Variants in CHMP4B observed in about 807,000 individuals in gnomAD.
The protein encoded by CHMP4B is SNF7 homolog associated with Alix 1.
Under a neutral mutation model 25.1 loss-of-function variants are expected in CHMP4B, and 1 was observed. The observed-to-expected ratio is 0.04, with a 90% confidence interval of 0.01 to 0.19. CHMP4B has a LOEUF of 0.19. Among genes scored for constraint, CHMP4B ranks in the 10% least tolerant of loss-of-function variants. CHMP4B has a pLI of 1.00. For missense variants in CHMP4B, 151 were observed against 289.7 expected, an observed-to-expected ratio of 0.52 and a Z score of 3.48; for synonymous variants, 101 against 115.6, an observed-to-expected ratio of 0.87 and a Z score of 0.81.
chr20:33,831,499 G>A (rs1392501808), intron 1 of CHMP4B, among the ~76,000 whole-genome samples: 1 of 152,190 alleles, frequency 6.6e-6, no homozygotes, highest in Non-Finnish European at 1.5e-5. Context: ...CAAAGTGCTG[G>A]GATTACAGGT....
chr20:33,822,807 T>G (rs1978979503), intron 1 of CHMP4B, among the ~76,000 whole-genome samples: 1 of 152,152 alleles, frequency 6.6e-6, no homozygotes, highest in African/African-American at 2.4e-5. Context: ...TTTTTTTATT[T>G]TTTTGAGACA....
At chr20:33,816,184 T>A (rs1978778383) in intron 1 of CHMP4B, among the ~76,000 whole-genome samples, 1 of 152,210 alleles carries the variant, frequency 6.6e-6, no homozygotes, top group Non-Finnish European at 1.5e-5. Flanking sequence ...ATATATTCAT[T>A]CTTAAGCATG....
chr20:33,824,836 A>G (rs958447957), intron 1 of CHMP4B, among the ~76,000 whole-genome samples: 24 of 135,022 alleles, frequency 1.8e-4, no homozygotes, highest in Admixed American at 1.4e-3. Context: ...AATGTCCCCA[A>G]AAGGGTGGGG....
At chr20:33,815,522 G>A (rs999483757) in intron 1 of CHMP4B, among the ~76,000 whole-genome samples, 1 of 152,130 alleles carries the variant, frequency 6.6e-6, no homozygotes, top group Admixed American at 6.5e-5. Flanking sequence ...TAATGAAGTT[G>A]GGAAACAGGA....
chr20:33,844,980 T>C lies in CHMP4B; in HGVS notation c.191-3487T>C, dbSNP rs138197614. Reference sequence around the variant, plus strand: ...TTCACCGTGTTAGCCAGGATGGTCTTGATCTCCTGACTTTGTAATCCACCC... The same window carrying C: ...TTCACCGTGTTAGCCAGGATGGTCTCGATCTCCTGACTTTGTAATCCACCC... On this transcript the variant is annotated intron_variant, in intron 1 of 4. Transcript: ENST00000217402. Among the ~76,000 whole-genome samples the C allele has an allele frequency of 9.2e-3, 1,403 of 152,226 alleles. 24 individuals carry two copies. Among genetic ancestry groups the C allele is most frequent in the African/African-American group, 0.03 (1,244 of 41,528 alleles).
chr20:33,811,381 T>G lies in CHMP4B; in HGVS notation c.-88T>G. On this transcript the variant is annotated 5_prime_UTR_variant, in exon 1 of 5. Transcript: ENST00000217402. ...CTGCGGCGGCAGGGAGCGGCGGGAC[T>G]GGGAGCGGGCGCCGGAGCCGACCCG... is the stretch of plus-strand genomic sequence containing the variant. 2.6e-6 allele frequency: 3 copies of G among 1,149,546 alleles called. No homozygotes were observed. The highest frequency in any genetic ancestry group is 3.4e-5 in the African/African-American group (2 of 58,974). 71.2% of individuals were successfully genotyped at this position (1,149,546 alleles called of 1,614,324 possible).
At chr20:33,824,786 C>T (rs1979045245) in intron 1 of CHMP4B, among the ~76,000 whole-genome samples, 1 of 150,724 alleles carries the variant, frequency 6.6e-6, no homozygotes, top group African/African-American at 2.5e-5. Flanking sequence ...AATACCTCCC[C>T]ATCCAGTTGT....
chr20:33,840,879 G>A (rs561500175), intron 1 of CHMP4B, among the ~76,000 whole-genome samples: 39 of 152,284 alleles, frequency 2.6e-4, no homozygotes, highest in African/African-American at 9.1e-4. Context: ...GGTGCGTGTT[G>A]TTATCATGAG....
intron 1 of CHMP4B, among the ~76,000 whole-genome samples, chr20:33,814,121 CT>C (rs1978717979): frequency 6.6e-6 from 1 of 152,222 alleles, no homozygotes; most frequent in Admixed American, 6.5e-5. Flanking sequence ...AGTTGTCAGA[CT>C]TGCTGAAGGC....
At chr20:33,841,154 C>T (rs1441529907) in intron 1 of CHMP4B, among the ~76,000 whole-genome samples, 2 of 152,198 alleles carry the variant, frequency 1.3e-5, no homozygotes, top group Non-Finnish European at 2.9e-5. Context: ...AGATAAGGGG[C>T]TTCTTTCTTT....
Position 33,848,399 on chromosome 20 carries a change from G to C in CHMP4B, c.191-68G>C. 3 of 1,524,670 alleles carry C rather than the reference G, an allele frequency of 2.0e-6. No individual in the cohort carries two copies. In the South Asian group the frequency reaches 3.4e-5, roughly 17 times the overall value. The allele number at this position is 1,524,670 out of a possible 1,614,324, so 94.4% of individuals were successfully genotyped here. On this transcript the variant is annotated intron_variant, in intron 1 of 4. Coordinates refer to ENST00000217402, the MANE Select transcript of CHMP4B (RefSeq NM_176812.5). The stretch of plus-strand genomic sequence containing the variant: ...GTGCTTCCAGTAGAGTTGGGGAAAA[G>C]ACTCAGTGACACTAGAACCTCACCC...
rs555208760 is a variant in CHMP4B, at chr20:33,845,996, A to G, written c.191-2471A>G. Reference sequence around the variant, plus strand: ...AGGACCGGGCAGGCCATATTAAACCATATGGCAAAGGGAGCTACTGAGGAT... The same window carrying G: ...AGGACCGGGCAGGCCATATTAAACCGTATGGCAAAGGGAGCTACTGAGGAT... On this transcript the variant is annotated intron_variant, in intron 1 of 4. Coordinates refer to ENST00000217402, the MANE Select transcript of CHMP4B (RefSeq NM_176812.5). Among the ~76,000 whole-genome samples, 21 of 152,286 alleles carry G rather than the reference A, an allele frequency of 1.4e-4. No individual in the cohort carries two copies. In the South Asian group the frequency reaches 4.1e-3, roughly 30 times the overall value.
chr20:33,845,928 A>G (rs1398031267), intron 1 of CHMP4B, among the ~76,000 whole-genome samples: 1 of 152,222 alleles, frequency 6.6e-6, no homozygotes, highest in Non-Finnish European at 1.5e-5. Context: ...TAGGGCTCCC[A>G]GGACTTGGGC....
intron 1 of CHMP4B, among the ~76,000 whole-genome samples, chr20:33,839,723 G>C (rs906476010): frequency 6.6e-6 from 1 of 152,028 alleles, no homozygotes; most frequent in African/African-American, 2.4e-5. Context: ...GCAGAAGCAG[G>C]CCCAGCTGCC....
At chr20:33,822,659 C>T (rs974062713) in intron 1 of CHMP4B, among the ~76,000 whole-genome samples, 4 of 152,244 alleles carry the variant, frequency 2.6e-5, no homozygotes, top group Admixed American at 1.3e-4. Context: ...CAGCTTGCTG[C>T]TCCTAGCTGA....
intron 1 of CHMP4B, among the ~76,000 whole-genome samples, chr20:33,824,576 T>C (rs1210342330): frequency 2.0e-5 from 3 of 152,256 alleles, no homozygotes; most frequent in African/African-American, 7.2e-5. Flanking sequence ...TTCAATTCGC[T>C]ACATCAACAT....
chr20:33,830,304 G>A (rs1979203868), intron 1 of CHMP4B, among the ~76,000 whole-genome samples: 1 of 152,194 alleles, frequency 6.6e-6, no homozygotes, highest in South Asian at 2.1e-4. Flanking sequence ...TACAGCAAGA[G>A]GGTATGGGGG....
chr20:33,819,627 C>G (rs1978877953), intron 1 of CHMP4B, among the ~76,000 whole-genome samples: 1 of 152,122 alleles, frequency 6.6e-6, no homozygotes, highest in Admixed American at 6.6e-5. Flanking sequence ...AGCTATACAT[C>G]CCTCTGGTTG....
intron 1 of CHMP4B, among the ~76,000 whole-genome samples, chr20:33,843,980 G>A (rs891320212): frequency 6.6e-6 from 1 of 152,232 alleles, no homozygotes; most frequent in Non-Finnish European, 1.5e-5. Context: ...GACAGCAGAT[G>A]GATCTAGATA....
Sources: allele counts gnomAD v4.1 joint callset (sites outside exome capture counted in the v4.1 genomes callset), GRCh38; gene constraint gnomAD v4.1.1; transcripts MANE v1.5; gene names NCBI Gene and HGNC (gene_info 2026-07-23, HGNC 2026-07-21).